ARHGAP24: variants seen among roughly 807,000 people sequenced by gnomAD.
ARHGAP24 encodes the protein Rho GTPase activating protein 24.
ARHGAP24 carries 50 observed loss-of-function variants against 76.4 expected under a neutral mutation model. The ratio of observed to expected loss-of-function variants is 0.65; its 90% CI spans 0.52 to 0.83. ARHGAP24 has a LOEUF of 0.83. Among genes scored for constraint, ARHGAP24 ranks in the 40% least tolerant of loss-of-function variants. The pLI is 0.00. For synonymous variants in ARHGAP24, 345 were observed against 323.3 expected (o/e 1.07, Z -0.72); for missense variants, 930 against 914.2 (o/e 1.02, Z -0.22).
chr4:85,852,287 T>C (rs191257817), intron 3 of ARHGAP24, among the ~76,000 whole-genome samples: 98 of 152,374 alleles, frequency 6.4e-4, no homozygotes, highest in Admixed American at 2.3e-3. Flanking sequence ...TGTCATGGTT[T>C]TCAGCTCCTT....
At chr4:85,919,264 A>T in intron 3 of ARHGAP24, among the ~76,000 whole-genome samples, 1 of 152,216 alleles carries the variant, frequency 6.6e-6, no homozygotes, top group East Asian at 1.9e-4. Flanking sequence ...TTCTGAGTTT[A>T]TTCATTTATC....
At chr4:85,976,506 G>A (rs1424084560) in intron 7 of ARHGAP24, among the ~76,000 whole-genome samples, 1 of 152,088 alleles carries the variant, frequency 6.6e-6, no homozygotes, top group African/African-American at 2.4e-5. Context: ...CACTGTGACA[G>A]ACACATACTA....
At chr4:85,607,025 A>T (rs1310448989) in intron 2 of ARHGAP24, among the ~76,000 whole-genome samples, 2 of 152,228 alleles carry the variant, frequency 1.3e-5, no homozygotes, top group African/African-American at 4.8e-5. Flanking sequence ...GGGCTTTGCA[A>T]ATGTGGAAGG....
At chr4:85,553,649 A>G (rs1457453299) in intron 1 of ARHGAP24, among the ~76,000 whole-genome samples, 1 of 152,304 alleles carries the variant, frequency 6.6e-6, no homozygotes, top group South Asian at 2.1e-4. Flanking sequence ...CTTTGGCTAG[A>G]CAGAAAAGTG....
intron 3 of ARHGAP24, among the ~76,000 whole-genome samples, chr4:85,913,380 G>A (rs1448282419): frequency 6.6e-6 from 1 of 151,310 alleles, no homozygotes; most frequent in Non-Finnish European, 1.5e-5. Context: ...CCCTAATCTT[G>A]TAGTCTATAT....
intron 3 of ARHGAP24, among the ~76,000 whole-genome samples, chr4:85,807,493 C>A (rs1040677441): frequency 6.6e-6 from 1 of 152,132 alleles, no homozygotes; most frequent in African/African-American, 2.4e-5. Flanking sequence ...ATCCAAGTCA[C>A]CAGGATGTTG....
At chr4:85,831,106 T>A (rs1729974027) in intron 3 of ARHGAP24, among the ~76,000 whole-genome samples, 1 of 152,228 alleles carries the variant, frequency 6.6e-6, no homozygotes, top group Non-Finnish European at 1.5e-5. Context: ...ATTTCCATTA[T>A]GCTAGGGAAG....
At chr4:85,954,447 G>A (rs1271772339) in intron 5 of ARHGAP24, among the ~76,000 whole-genome samples, 1 of 152,124 alleles carries the variant, frequency 6.6e-6, no homozygotes, top group Non-Finnish European at 1.5e-5. Context: ...TTGAGGGCAG[G>A]ATCCTTACCT....
chr4:85,721,803 C>A, intron 2 of ARHGAP24, 82 bp from the exon 3 acceptor site: 1 of 1,222,994 alleles, frequency 8.2e-7, no homozygotes, highest in Non-Finnish European at 1.2e-6. Flanking sequence ...ATAGCTACAC[C>A]TTGGATATTC....
chr4:85,662,920 GC>G, intron 2 of ARHGAP24, among the ~76,000 whole-genome samples: 1 of 152,100 alleles, frequency 6.6e-6, no homozygotes, highest in Non-Finnish European at 1.5e-5. Flanking sequence ...GGTTACTGTA[GC>G]TTTGTAGTAT....
At chr4:85,518,321 A>G (rs1656799156) in intron 1 of ARHGAP24, among the ~76,000 whole-genome samples, 1 of 151,964 alleles carries the variant, frequency 6.6e-6, no homozygotes, top group Non-Finnish European at 1.5e-5. Flanking sequence ...TAGTTAGATG[A>G]CATTTTATAA....
intron 3 of ARHGAP24, among the ~76,000 whole-genome samples, chr4:85,803,936 T>C (rs1403398586): frequency 6.6e-6 from 1 of 151,534 alleles, no homozygotes; most frequent in African/African-American, 2.4e-5. Flanking sequence ...AAATTCTTTT[T>C]TTTTTCTTTT....
intron 4 of ARHGAP24, among the ~76,000 whole-genome samples, chr4:85,935,838 T>C (rs897640430): frequency 2.0e-5 from 3 of 152,168 alleles, no homozygotes; most frequent in Non-Finnish European, 4.4e-5. Flanking sequence ...TTCTTAATCC[T>C]TCCTAGCATT....
At chr4:85,542,695 T>A (rs1357224845) in intron 1 of ARHGAP24, among the ~76,000 whole-genome samples, 7 of 145,404 alleles carry the variant, frequency 4.8e-5, no homozygotes, top group African/African-American at 2.0e-4. Context: ...GTAGCATGTA[T>A]GAAATAATTA....
chr4:85,712,396 C>T (rs753389441), intron 2 of ARHGAP24, among the ~76,000 whole-genome samples: 2 of 152,192 alleles, frequency 1.3e-5, no homozygotes, highest in Non-Finnish European at 2.9e-5. Flanking sequence ...CAGCTGTTTA[C>T]AGGCTCCTTT....
At chr4:85,939,206 A>G (rs1179830122) in intron 4 of ARHGAP24, among the ~76,000 whole-genome samples, 3 of 152,214 alleles carry the variant, frequency 2.0e-5, no homozygotes, top group Non-Finnish European at 4.4e-5. Context: ...CCTGGCATAC[A>G]TAAGTACAGC....
chr4:85,487,727 T>C (rs1723158300), intron 1 of ARHGAP24, among the ~76,000 whole-genome samples: 1 of 96,586 alleles, frequency 1.0e-5, no homozygotes, highest in African/African-American at 5.7e-5. Flanking sequence ...TATATATTTA[T>C]ATTATATATT....
At chr4:85,742,290 T>C (rs963168337) in intron 3 of ARHGAP24, among the ~76,000 whole-genome samples, 3 of 152,136 alleles carry the variant, frequency 2.0e-5, no homozygotes, top group Non-Finnish European at 4.4e-5. Context: ...CTCTCTCTTA[T>C]CGTGCAACAT....
chr4:85,756,932 C>T (rs1726520014), intron 3 of ARHGAP24, among the ~76,000 whole-genome samples: 1 of 152,164 alleles, frequency 6.6e-6, no homozygotes, highest in Admixed American at 6.5e-5. Context: ...AAATTTATCT[C>T]TGGGTATTTA....
Sources: gnomAD v4.1 joint callset for allele counts (sites outside exome capture counted in the v4.1 genomes callset) on GRCh38, gnomAD v4.1.1 for gene constraint, MANE v1.5 for transcripts, NCBI Gene and HGNC (gene_info 2026-07-23, HGNC 2026-07-21) for gene names.